Variants in DDX23 observed in about 807,000 individuals in gnomAD.
DDX23 encodes the protein DEAD-box helicase 23.
Under a neutral mutation model 102.7 loss-of-function variants are expected in DDX23, and 33 were observed. The observed-to-expected ratio is 0.32, with a 90% CI of 0.24 to 0.43. DDX23 has a LOEUF of 0.43. DDX23 is among the 20% of genes least tolerant of loss of function. The probability of loss-of-function intolerance (pLI) is 1.00; values close to 1 mark genes in which losing one functional copy is unlikely to be tolerated. For synonymous variants in DDX23, 352 were observed against 376.0 expected (o/e 0.94, Z 0.74); for missense variants, 549 against 1,086.6 (o/e 0.51, Z 6.96).
chr12:48,846,077 T>C (rs1938662051), intron 1 of DDX23, among the ~76,000 whole-genome samples: 1 of 152,200 alleles, frequency 6.6e-6, no homozygotes. Flanking sequence ...GGTGCAATCA[T>C]AGGTCACTGC....
chr12:48,831,833 T>C, intron 15 of DDX23: 1 of 560,426 alleles, frequency 1.8e-6, no homozygotes, highest in Non-Finnish European at 3.2e-6. Flanking sequence ...TTTCCCTGGC[T>C]CCACCTCACC....
intron 11 of DDX23, among the ~76,000 whole-genome samples, chr12:48,835,847 T>C (rs1489639596): frequency 6.6e-6 from 1 of 151,914 alleles, no homozygotes; most frequent in Non-Finnish European, 1.5e-5. Flanking sequence ...GCTGAGATCG[T>C]GCCACTGCAC....
Position 48,832,833 on chromosome 12 carries a change from CTT to C in DDX23, c.1804-262_1804-261del, listed in dbSNP as rs1374814865. ...CTGTGGTCCCGGTAGCAGCATGAGT[CTT>C]TGGAATCGTTTTTCCAGGGCTAAGC... On this transcript the variant is annotated intron_variant, in intron 13 of 16. Transcript: ENST00000308025. The surrounding 1 kb of genome is among the most constrained non-coding windows in gnomAD (Gnocchi z 4.4). 3.8e-6 allele frequency: 2 copies of C among 520,368 alleles called. No individual in the cohort carries two copies. Among genetic ancestry groups the C allele is most frequent in the Non-Finnish European group, 6.8e-6 (2 of 295,558 alleles). 32.2% of individuals were successfully genotyped at this position (520,368 alleles called of 1,614,324 possible).
At chr12:48,831,568 T>G (rs1021894410) in intron 15 of DDX23, among the ~76,000 whole-genome samples, 3 of 151,906 alleles carry the variant, frequency 2.0e-5, no homozygotes, top group Non-Finnish European at 4.4e-5. Flanking sequence ...GGGAGAGCGG[T>G]GGAGCCAGAC....
intron 3 of DDX23, among the ~76,000 whole-genome samples, chr12:48,841,285 C>A (rs1938546743): frequency 1.3e-5 from 2 of 152,298 alleles, no homozygotes; most frequent in Admixed American, 1.3e-4. Context: ...ACTTGGGAGG[C>A]TGAGGCAGGA....
chr12:48,837,107 C>T, intron 8 of DDX23, 70 bp from the exon 9 acceptor site: 2 of 1,600,596 alleles, frequency 1.2e-6, no homozygotes, highest in Non-Finnish European at 1.7e-6. Flanking sequence ...GGGCAGACTA[C>T]TAGTATGAAA....
In DDX23 at chr12:48,845,745, G is replaced by A. The variant is rs1329471536; in HGVS notation, c.38C>T (p.Ala13Val). The stretch of plus-strand genomic sequence containing the variant: ...CTTCCTTTCCTCCTTGGAAGGTGAT[G>A]CATCACGGTCCTTTTTGTCAGCCAG... Reference protein sequence around the residue: ...GELADKKDRDASPSKEERKRS... With the variant: ...GELADKKDRDVSPSKEERKRS... The change falls in exon 2 of 17, where the codon GCA (alanine) becomes GTA (valine). Residue 13 changes from alanine (A) to valine (V), a missense_variant. Physicochemically the swap from Ala to Val is moderately conservative, Grantham distance 64. Coordinates refer to ENST00000308025, the MANE Select transcript of DDX23 (RefSeq NM_004818.3). 3 of 1,614,178 alleles carry A rather than the reference G, an allele frequency of 1.9e-6. No homozygotes were observed. Among genetic ancestry groups the A allele is most frequent in the East Asian group, 2.2e-5 (1 of 44,872 alleles).
At chr12:48,843,032 T>G (rs1168940510) in intron 3 of DDX23, among the ~76,000 whole-genome samples, 1 of 150,456 alleles carries the variant, frequency 6.6e-6, no homozygotes, top group African/African-American at 2.5e-5. Flanking sequence ...ATGTGCTGTG[T>G]CCACTCAGGG....
At chr12:48,837,821 C>T (rs1325687981) in intron 6 of DDX23, 121 bp downstream of exon 6, 1 of 1,541,488 alleles carries the variant, frequency 6.5e-7, no homozygotes, top group South Asian at 1.3e-5. Context: ...CATAAACTCC[C>T]ACCATCCTTC....
chr12:48,849,406 G>A (rs1381182271), intron 1 of DDX23, among the ~76,000 whole-genome samples: 3 of 152,258 alleles, frequency 2.0e-5, no homozygotes, highest in Non-Finnish European at 1.5e-5. Flanking sequence ...GCTCACGCCT[G>A]TAATCCCAGC....
At chr12:48,831,760 C>T in intron 15 of DDX23, 1 of 462,774 alleles carries the variant, frequency 2.2e-6, no homozygotes, top group Non-Finnish European at 3.9e-6. Context: ...TCTCAACGTA[C>T]CTAAGCAGTT....
chr12:48,851,137 G>C (rs1938750941), intron 1 of DDX23, among the ~76,000 whole-genome samples: 1 of 152,168 alleles, frequency 6.6e-6, no homozygotes, highest in African/African-American at 2.4e-5. Flanking sequence ...TGCTATGTGA[G>C]TTACAAAAAT....
At chr12:48,838,954 C>T (rs1211320260) in intron 5 of DDX23, among the ~76,000 whole-genome samples, 1 of 152,172 alleles carries the variant, frequency 6.6e-6, no homozygotes, top group Non-Finnish European at 1.5e-5. Context: ...TGGCTCACTG[C>T]AGCTTCAACC....
At chr12:48,841,166 AC>A (rs1475842977) in intron 3 of DDX23, among the ~76,000 whole-genome samples, 1 of 151,974 alleles carries the variant, frequency 6.6e-6, no homozygotes, top group African/African-American at 2.4e-5. Context: ...TGGCCGGATC[AC>A]CTAAGGTCAA....
intron 8 of DDX23, 70 bp from the exon 9 acceptor site, chr12:48,837,107 C>G: frequency 1.2e-6 from 2 of 1,600,596 alleles, no homozygotes; most frequent in South Asian, 2.2e-5. Context: ...GGGCAGACTA[C>G]TAGTATGAAA....
In DDX23 at chr12:48,832,364, A is replaced by G; in HGVS notation, c.1955+58T>C. On this transcript the variant is annotated intron_variant, in intron 14 of 16. Coordinates refer to ENST00000308025, the MANE Select transcript of DDX23 (RefSeq NM_004818.3). The surrounding 1 kb of genome is among the most constrained non-coding windows in gnomAD (Gnocchi z 4.4). ...CCCTGCCCTGCACCTGCACTAAAAA[A>G]GTTCTCAGAGCCATTTTATTCTCCA... 1.3e-6 allele frequency: 2 copies of G among 1,594,112 alleles called. No homozygotes were observed. Among genetic ancestry groups the G allele is most frequent in the Non-Finnish European group, 1.7e-6 (2 of 1,166,448 alleles).
chr12:48,848,603 G>C (rs1468177180), intron 1 of DDX23, among the ~76,000 whole-genome samples: 1 of 149,550 alleles, frequency 6.7e-6, no homozygotes, highest in East Asian at 2.0e-4. Context: ...TGTTGTTGTT[G>C]AGACAGGGTC....
intron 1 of DDX23, among the ~76,000 whole-genome samples, chr12:48,849,308 GTAA>G (rs1454427745): frequency 1.3e-5 from 2 of 151,946 alleles, no homozygotes; most frequent in African/African-American, 4.8e-5. Flanking sequence ...ACCAGCCAGG[GTAA>G]TATAGCAAGA....
Position 48,833,536 on chromosome 12 carries a change from A to T in DDX23, c.1561-17T>A, listed in dbSNP as rs763359491. ...AATCACAATCTGAGGAGTACAGTATAATCATTTATAGCCCAGCAGGTGCCC... is the reference window on the plus strand; with the variant it reads ...AATCACAATCTGAGGAGTACAGTATTATCATTTATAGCCCAGCAGGTGCCC... On this transcript the variant is annotated splice_polypyrimidine_tract_variant and intron_variant, in intron 12 of 16. Coordinates refer to ENST00000308025, the MANE Select transcript of DDX23 (RefSeq NM_004818.3). 2.5e-6 allele frequency: 4 copies of T among 1,610,966 alleles called. No homozygotes were observed. Among genetic ancestry groups the T allele is most frequent in the African/African-American group, 1.3e-5 (1 of 74,838 alleles).
Sources: allele counts gnomAD v4.1 joint callset (sites outside exome capture counted in the v4.1 genomes callset), GRCh38; gene constraint gnomAD v4.1.1; non-coding constraint Gnocchi (gnomAD v3.1); transcripts MANE v1.5; gene names NCBI Gene and HGNC (gene_info 2026-07-23, HGNC 2026-07-21).